RGS3: variants seen among roughly 807,000 people sequenced by gnomAD.
RGS3 encodes regulator of G protein signaling 3, also known as regulator of G-protein signalling 3.
A neutral mutation model predicts 132.6 loss-of-function variants in RGS3; 80 were observed. The observed-to-expected ratio is 0.60, with a 90% confidence interval of 0.50 to 0.73. The LOEUF is 0.73. RGS3 is among the 30% of genes least tolerant of loss of function. The probability of loss-of-function intolerance (pLI) is 0.00; values close to 1 mark genes in which losing one functional copy is unlikely to be tolerated. For synonymous variants in RGS3, 598 were observed against 620.6 expected, an observed-to-expected ratio of 0.96 and a Z score of 0.54; for missense variants, 1,382 against 1,530.8, an observed-to-expected ratio of 0.90 and a Z score of 1.62.
chr9:113,479,641 T>G (rs1588145458), intron 4 of RGS3, 100 bp downstream of exon 2: 3 of 1,047,264 alleles, frequency 2.9e-6, no homozygotes, highest in Non-Finnish European at 4.4e-6. Flanking sequence ...GGGCCAAGGC[T>G]TCTTTTCTCA....
intron 18 of RGS3, among the ~76,000 whole-genome samples, chr9:113,529,794 C>A (rs1408306871): frequency 6.6e-6 from 1 of 152,166 alleles, no homozygotes; most frequent in South Asian, 2.1e-4. Context: ...TGGAATGATA[C>A]CCACTCAGTG....
intron 16 of RGS3, among the ~76,000 whole-genome samples, chr9:113,520,192 C>G (rs1340259815): frequency 6.6e-6 from 1 of 152,192 alleles, no homozygotes; most frequent in Non-Finnish European, 1.5e-5. Flanking sequence ...CCCCCGTGGC[C>G]TGTGGAAGGC....
At chr9:113,481,059 T>G (rs1830144425) in intron 4 of RGS3, among the ~76,000 whole-genome samples, 1 of 152,230 alleles carries the variant, frequency 6.6e-6, no homozygotes, top group Non-Finnish European at 1.5e-5. Flanking sequence ...AACCTTTCTT[T>G]TGTTTTGAAC....
chr9:113,479,625 C>T, intron 4 of RGS3, 84 bp downstream of exon 2: 1 of 1,231,110 alleles, frequency 8.1e-7, no homozygotes, highest in Non-Finnish European at 1.2e-6. Flanking sequence ...GGGATGGTGG[C>T]ACCATGGGCC....
At chr9:113,594,499 G>A (rs143132743) in exon 22 of RGS3, 5 of 1,613,540 alleles carry the variant, frequency 3.1e-6, no homozygotes, top group African/African-American at 2.7e-5. Context: ...CCCCTCCCGC[G>A]GGCAAGGCAG....
intron 21 of RGS3, chr9:113,593,566 C>T (rs1448564568): frequency 4.2e-6 from 1 of 240,600 alleles, no homozygotes; most frequent in African/African-American, 2.3e-5. Flanking sequence ...CTTAAAACTA[C>T]TAAGATGTTG....
intron 19 of RGS3, among the ~76,000 whole-genome samples, chr9:113,572,665 C>A (rs1025792864): frequency 4.6e-5 from 7 of 152,228 alleles, no homozygotes; most frequent in African/African-American, 1.7e-4. Flanking sequence ...GCCCTTGATG[C>A]CCCCACAAGG....
chr9:113,467,481 G>A (rs1015478153), intron 3 of RGS3, among the ~76,000 whole-genome samples: 16 of 152,222 alleles, frequency 1.1e-4, no homozygotes, highest in East Asian at 5.8e-4. Context: ...CTGATGACCC[G>A]TGATGTTGAA....
intron 7 of RGS3, among the ~76,000 whole-genome samples, chr9:113,493,333 A>G (rs1830582495): frequency 6.6e-6 from 1 of 152,208 alleles, no homozygotes; most frequent in Non-Finnish European, 1.5e-5. Context: ...TAGATTATTA[A>G]TAGAGCCTTG....
At chr9:113,447,329 G>GTATATATATATATATA (rs60991619) in intron 1 of RGS3, among the ~76,000 whole-genome samples, 1,212 of 27,228 alleles carry the variant, frequency 0.045, 204 homozygotes, top group Non-Finnish European at 0.056. Flanking sequence ...GTATGTATAT[G>GTATATATATATATATA]TATATATATA....
At chr9:113,594,255 C>A in intron 21 of RGS3, 175 bp from the exon 20 acceptor site, 1 of 1,611,816 alleles carries the variant, frequency 6.2e-7, no homozygotes. Context: ...TCTGCGGCCC[C>A]AAGGTGGGGG....
chr9:113,485,461 T>C (rs1473366973), intron 6 of RGS3, among the ~76,000 whole-genome samples, 164 bp from the exon 5 acceptor site: 1 of 152,232 alleles, frequency 6.6e-6, no homozygotes, highest in Non-Finnish European at 1.5e-5. Flanking sequence ...ATAAACTGTT[T>C]TATGCATGGA....
exon 25 of RGS3, chr9:113,597,019 T>G (rs2119079890): frequency 7.2e-7 from 1 of 1,397,240 alleles, no homozygotes; most frequent in Non-Finnish European, 9.8e-7. Context: ...CCTGCCTCCC[T>G]GCCCCCTGTG....
intron 19 of RGS3, among the ~76,000 whole-genome samples, chr9:113,570,855 C>T (rs1352933564): frequency 3.3e-5 from 5 of 152,136 alleles, no homozygotes; most frequent in African/African-American, 4.8e-5. Flanking sequence ...TGGCTGGTCT[C>T]GAACTCCTGA....
At chr9:113,497,198 GTC>G (rs1830714636) in intron 8 of RGS3, 114 bp from the exon 7 acceptor site, 3 of 750,832 alleles carry the variant, frequency 4.0e-6, no homozygotes, top group Non-Finnish European at 6.7e-6. Flanking sequence ...AGGCTGGAGA[GTC>G]TGTCTCTCCT....
chr9:113,483,770 C>A (rs938853734), intron 5 of RGS3, among the ~76,000 whole-genome samples: 2 of 152,172 alleles, frequency 1.3e-5, no homozygotes, highest in Non-Finnish European at 2.9e-5. Context: ...TGACCTGGAG[C>A]CTTCGTGAAG....
At chr9:113,508,462 G>T (rs1348184287) in intron 13 of RGS3, 79 bp from the exon 12 acceptor site, 2 of 1,547,700 alleles carry the variant, frequency 1.3e-6, no homozygotes, top group East Asian at 2.3e-5. Flanking sequence ...CTCCCCTGGG[G>T]CCCCCGTGTC....
intron 18 of RGS3, among the ~76,000 whole-genome samples, chr9:113,534,533 G>A (rs28594159): frequency 0.11 from 16,749 of 151,580 alleles, 1,092 homozygotes; most frequent in African/African-American, 0.16. Context: ...TGTAAGTTCT[G>A]TATAAATAGT....
intron 21 of RGS3, chr9:113,594,114 T>C (rs751045223): frequency 6.2e-7 from 1 of 1,613,094 alleles, no homozygotes. Flanking sequence ...AGCCCCGGCT[T>C]GTGCCTGGGA....
Sources: allele counts gnomAD v4.1 joint callset (sites outside exome capture counted in the v4.1 genomes callset), GRCh38; gene constraint gnomAD v4.1.1; transcripts MANE v1.5; gene names NCBI Gene and HGNC (gene_info 2026-07-23, HGNC 2026-07-21).